Variants in ALPK3 observed in about 807,000 individuals in gnomAD.
The protein encoded by ALPK3 is alpha-protein kinase 3.
In ALPK3, 102 loss-of-function variants were observed where a neutral mutation model predicts 140.0. The observed-to-expected ratio is 0.73, with a 90% confidence interval of 0.62 to 0.86. The LOEUF is 0.86. ALPK3 is among the 40% of genes least tolerant of loss of function. The probability of loss-of-function intolerance (pLI) is 0.00; values close to 1 mark genes in which losing one functional copy is unlikely to be tolerated. For missense variants in ALPK3, 2,254 were observed against 2,208.2 expected (o/e 1.02, Z -0.42); for synonymous variants, 938 against 898.5 (o/e 1.04, Z -0.79).
In ALPK3 at chr15:84,839,723, C is replaced by G. The variant is rs770500590; in HGVS notation, c.444C>G (p.Ala148=). The G allele has an allele frequency of 6.2e-7, 1 of 1,606,486 alleles. No homozygotes were observed. Among genetic ancestry groups the G allele is most frequent in the South Asian group, 1.1e-5 (1 of 90,676 alleles). Reference sequence around the variant, plus strand: ...CTAGGTGTCGAGAAGAAGATGCCGCCATCTACCAGGCCTCTGCCCAGAACA... The same window carrying G: ...CTAGGTGTCGAGAAGAAGATGCCGCGATCTACCAGGCCTCTGCCCAGAACA... ...QLYRCREEDA[A]IYQASAQNSK... The change falls in exon 5 of 14, where the codon GCC becomes GCG. Residue 148 remains alanine (A), a synonymous_variant. Transcript: ENST00000258888.
At chr15:84,839,185 T>A in intron 4 of ALPK3, 88 bp downstream of exon 4, 1 of 1,128,302 alleles carries the variant, frequency 8.9e-7, no homozygotes, top group Non-Finnish European at 1.3e-6. Context: ...GCAGTCTGGA[T>A]GGAGATGCCC....
intron 1 of ALPK3, among the ~76,000 whole-genome samples, chr15:84,819,524 C>T (rs1353222808): frequency 6.6e-6 from 1 of 152,166 alleles, no homozygotes; most frequent in Non-Finnish European, 1.5e-5. Context: ...CGAGGCAGTT[C>T]CTGCTTCTCT....
intron 5 of ALPK3, among the ~76,000 whole-genome samples, chr15:84,850,898 A>ACACACACACACT: frequency 6.6e-6 from 1 of 151,964 alleles, no homozygotes; most frequent in Non-Finnish European, 1.5e-5. Flanking sequence ...ACACACACAC[A>ACACACACACACT]CACACACACA....
rs1233954655 is a variant in ALPK3, at chr15:84,856,569, C to T, written c.1831C>T (p.Gln611Ter). The T allele has an allele frequency of 1.2e-6, 2 of 1,614,114 alleles. No homozygotes were observed. Among genetic ancestry groups the T allele is most frequent in the South Asian group, 1.1e-5 (1 of 91,080 alleles). ...GAGAACTGGAAGCAAGAAGAATGTGCAGGCAGATGGGAAGATACAAGTGGA... is the reference window on the plus strand; with the variant it reads ...GAGAACTGGAAGCAAGAAGAATGTGTAGGCAGATGGGAAGATACAAGTGGA... ...NQRTGSKKNVQADGKIQVDGR... is the reference protein window; with the variant it reads ...NQRTGSKKNV The change falls in exon 6 of 14, where the codon CAG becomes TAG. Residue 611 changes from glutamine (Q) to a stop codon, truncating the protein, a stop_gained. Transcript: ENST00000258888. LOFTEE classifies it high-confidence loss of function.
rs555123290 is a variant in ALPK3 at position 84,839,789 on chromosome 15, C to T, written c.510C>T (p.Gly170=). The change falls in exon 5 of 14, where the codon GGC becomes GGT. Residue 170 remains glycine, a synonymous_variant. Coordinates refer to ENST00000258888, the MANE Select transcript of ALPK3 (RefSeq NM_020778.5). ...IVSCSGVLEV[G]TMTEYKIHQR... ...CCTGCTCAGGGGTCCTGGAGGTGGG[C>T]ACCATGACTGAGTACAAGATCCACC... 1.2e-6 allele frequency: 2 copies of T among 1,614,088 alleles called. No homozygotes were observed. Among genetic ancestry groups the T allele is most frequent in the Admixed American group, 1.7e-5 (1 of 60,028 alleles).
chr15:84,834,722 AG>A (rs1212357064), intron 3 of ALPK3, among the ~76,000 whole-genome samples: 3 of 152,258 alleles, frequency 2.0e-5, no homozygotes, highest in Non-Finnish European at 4.4e-5. Context: ...CAGAGGCCAC[AG>A]GGTGTGAAGG....
chr15:84,830,243 C>G (rs1596147035), intron 3 of ALPK3, among the ~76,000 whole-genome samples: 3 of 150,838 alleles, frequency 2.0e-5, no homozygotes, highest in Admixed American at 2.0e-4. Context: ...CCTCTTGGAG[C>G]TCTCCATTCT....
rs146649391 is a variant in ALPK3 at position 84,818,721 on chromosome 15, G to C, written c.143+1126G>C. On this transcript the variant is annotated intron_variant, in intron 1 of 13. Coordinates refer to ENST00000258888, the MANE Select transcript of ALPK3 (RefSeq NM_020778.5). ...GGAAAGTTCAAATGTAACCGGAACC[G>C]GTTTCTGCATAAAACTCGTCAAATG... is the stretch of plus-strand genomic sequence containing the variant. Among the ~76,000 whole-genome samples the C allele has an allele frequency of 3.9e-3, 591 of 152,320 alleles. 2 individuals carry two copies. Among genetic ancestry groups the C allele is most frequent in the African/African-American group, 0.013 (548 of 41,572 alleles).
rs1419921203 is a variant in ALPK3, at chr15:84,869,896, C to T, written c.*1440C>T. Reference sequence around the variant, plus strand: ...TGGACCGAAGTTCAGTCGCAGCCTTCTGTGGCCACAGAAAGACAGCTTGTG... The same window carrying T: ...TGGACCGAAGTTCAGTCGCAGCCTTTTGTGGCCACAGAAAGACAGCTTGTG... On this transcript the variant is annotated 3_prime_UTR_variant, in exon 14 of 14. Coordinates refer to ENST00000258888, the MANE Select transcript of ALPK3 (RefSeq NM_020778.5). 6.6e-6 allele frequency: 1 copy of T among 152,470 alleles called. No individual in the cohort carries two copies. The allele number at this position is 152,470 out of a possible 1,614,324, so 9.4% of individuals were successfully genotyped here. A position where few individuals can be genotyped will look rare whatever the true frequency, so the allele number is the denominator to read the frequency against.
At chr15:84,850,488 A>T (rs768221003) in intron 5 of ALPK3, among the ~76,000 whole-genome samples, 1 of 152,078 alleles carries the variant, frequency 6.6e-6, no homozygotes, top group Non-Finnish European at 1.5e-5. Context: ...GGCTCAAGCA[A>T]TTCTCCCACC....
intron 5 of ALPK3, among the ~76,000 whole-genome samples, chr15:84,847,191 A>C: frequency 7.5e-6 from 1 of 132,704 alleles, no homozygotes; most frequent in Admixed American, 7.9e-5. Flanking sequence ...GAGAGAGAGG[A>C]AGGGAGGGAG....
At chr15:84,852,477 C>T in intron 5 of ALPK3, 1 of 207,776 alleles carries the variant, frequency 4.8e-6, no homozygotes, top group Non-Finnish European at 9.8e-6. Context: ...TCATAGATTA[C>T]TATGTCATAT....
At chr15:84,859,112 G>A in intron 6 of ALPK3, 131 bp from the exon 7 acceptor site, 8 of 1,266,414 alleles carry the variant, frequency 6.3e-6, no homozygotes, top group Non-Finnish European at 8.7e-6. Context: ...CCGGGGGGCT[G>A]TGAGTGGTAG....
At position 84,817,600 on chromosome 15, in the gene ALPK3, G is replaced by A. The variant is rs1408937088; in HGVS notation, c.143+5G>A. On this transcript the variant is annotated splice_donor_5th_base_variant and intron_variant, in intron 1 of 13. Coordinates refer to ENST00000258888, the MANE Select transcript of ALPK3 (RefSeq NM_020778.5). ...CAGCGTGCGGCCCGAGACCAGGTAA[G>A]TGGCACCAAGGGGCAGGGCGGCGTC... 6.7e-6 allele frequency: 10 copies of A among 1,494,800 alleles called. No individual in the cohort carries two copies. The highest frequency in any genetic ancestry group is 2.9e-5 in the East Asian group (1 of 34,812). The allele number at this position is 1,494,800 out of a possible 1,614,324, so 92.6% of individuals were successfully genotyped here.
At position 84,829,673 on chromosome 15, in the gene ALPK3, C is replaced by A. The variant is rs548116845; in HGVS notation, c.304+2068C>A. Among the ~76,000 whole-genome samples, 27 of 152,292 alleles carry A rather than the reference C, an allele frequency of 1.8e-4. No individual in the cohort carries two copies. The East Asian group carries it at 4.0e-3, about 23-fold the overall frequency. On this transcript the variant is annotated intron_variant, in intron 3 of 13. Transcript: ENST00000258888. ...TCGTGAGTATCTGGGACTACAGGCG[C>A]GTGCCACCACACCCATGCTAATGAG...
chr15:84,857,437 C>T lies in ALPK3; in HGVS notation c.2699C>T (p.Ser900Phe), dbSNP rs748161420. The change falls in exon 6 of 14, where the codon TCT (serine) becomes TTT (phenylalanine). Residue 900 changes from serine to phenylalanine, a missense_variant. Ser to Phe is a radical substitution (Grantham distance 155). This residue lies in a region of ALPK3 where 2,088 missense variants were observed against 2,022.9 expected (regional missense o/e 1.03). Coordinates refer to ENST00000258888, the MANE Select transcript of ALPK3 (RefSeq NM_020778.5). ...QHGSTATFLP[S>F]EDQVLMSSAP... ...GGGAGCACAGCCACCTTCCTGCCCT[C>T]TGAGGATCAGGTCCTGATGAGTTCT... 1 of 1,613,980 alleles carries T rather than the reference C, an allele frequency of 6.2e-7. No homozygotes were observed. The highest frequency in any genetic ancestry group is 1.1e-5 in the South Asian group (1 of 91,084).
At chr15:84,828,699 G>T (rs1472774678) in intron 3 of ALPK3, among the ~76,000 whole-genome samples, 2 of 152,186 alleles carry the variant, frequency 1.3e-5, no homozygotes, top group African/African-American at 4.8e-5. Context: ...TTTGTATGGC[G>T]TATGGTGAAT....
Position 84,857,098 on chromosome 15 carries a change from A to G in ALPK3, c.2360A>G (p.Glu787Gly), listed in dbSNP as rs1223265343. The change falls in exon 6 of 14, where the codon GAG becomes GGG. Residue 787 changes from glutamate (E) to glycine (G), a missense_variant. Glu to Gly is a moderately conservative substitution (Grantham distance 98). Coordinates refer to ENST00000258888, the MANE Select transcript of ALPK3 (RefSeq NM_020778.5). ...EAVVTASRNH[E>G]QTVLGPLSGN... is the part of the protein sequence containing the mutation. Reference sequence around the variant, plus strand: ...GTAGTAACAGCCTCCAGGAACCATGAGCAAACTGTGCTGGGTCCCCTGTCA... The same window carrying G: ...GTAGTAACAGCCTCCAGGAACCATGGGCAAACTGTGCTGGGTCCCCTGTCA... The G allele has an allele frequency of 6.2e-7, 1 of 1,614,196 alleles. No individual in the cohort carries two copies. The highest frequency in any genetic ancestry group is 1.1e-5 in the South Asian group (1 of 91,088).
intron 5 of ALPK3, 105 bp downstream of exon 5, chr15:84,841,037 A>G (rs964468778): frequency 1.3e-5 from 18 of 1,406,286 alleles, no homozygotes; most frequent in Non-Finnish European, 1.7e-5. Flanking sequence ...CTATTTATAG[A>G]AAGGGGTGGG....
Sources: gnomAD v4.1 joint callset for allele counts (sites outside exome capture counted in the v4.1 genomes callset) on GRCh38, gnomAD v4.1.1 for gene constraint, gnomAD v4.1.1 regional missense constraint, MANE v1.5 for transcripts, NCBI Gene and HGNC (gene_info 2026-07-23, HGNC 2026-07-21) for gene names.